Variants in ZNF722 observed in about 807,000 individuals in gnomAD.
ZNF722 encodes the protein zinc finger protein 722.
the ZNF722 span, among the ~76,000 whole-genome samples, chr7:64,014,149 T>C: frequency 6.6e-5 from 10 of 152,196 alleles, no homozygotes; most frequent in South Asian, 2.1e-4. Context: ...AGCTTCTTCA[T>C]TTTTTACATT....
chr7:64,001,397 A>G, the ZNF722 span, among the ~76,000 whole-genome samples: 1 of 152,176 alleles, frequency 6.6e-6, no homozygotes, highest in African/African-American at 2.4e-5. Context: ...CTCCAGCTCC[A>G]TTGACGTTGC....
chr7:64,007,230 G>GTATA, the ZNF722 span, among the ~76,000 whole-genome samples: 1,881 of 138,478 alleles, frequency 0.014, 102 homozygotes, highest in African/African-American at 0.051. Context: ...GTTTGTGTGT[G>GTATA]TATATATATA....
At chr7:64,003,664 G>GA in the ZNF722 span, among the ~76,000 whole-genome samples, 18 of 151,682 alleles carry the variant, frequency 1.2e-4, no homozygotes, top group East Asian at 3.9e-4. Flanking sequence ...AAGGCGTTCT[G>GA]AAAAAAAATA....
At chr7:64,014,276 T>A in the ZNF722 span, among the ~76,000 whole-genome samples, 1 of 152,196 alleles carries the variant, frequency 6.6e-6, no homozygotes, top group East Asian at 1.9e-4. Context: ...TGGTTTTCCA[T>A]TTTTCTCATT....
the ZNF722 span, chr7:64,015,273 T>G: frequency 8.1e-7 from 1 of 1,241,212 alleles, no homozygotes. Flanking sequence ...TGGTAAATTT[T>G]CAAATTGCAA....
At chr7:64,007,236 A>ATATATATATATATATATATG in the ZNF722 span, among the ~76,000 whole-genome samples, 124 of 100,398 alleles carry the variant, frequency 1.2e-3, no homozygotes, top group Middle Eastern at 5.4e-3. Context: ...GTGTGTATAT[A>ATATATATATATATATATATG]TATATATATA....
the ZNF722 span, among the ~76,000 whole-genome samples, chr7:64,008,827 C>T: frequency 6.6e-6 from 1 of 152,118 alleles, no homozygotes; most frequent in Non-Finnish European, 1.5e-5. Flanking sequence ...CTATAAATTA[C>T]CTTGGGCAGT....
the ZNF722 span, among the ~76,000 whole-genome samples, chr7:63,999,225 C>T: frequency 6.6e-6 from 1 of 152,136 alleles, no homozygotes; most frequent in Non-Finnish European, 1.5e-5. Flanking sequence ...GTGGCTTTGC[C>T]CTGGACTGGA....
chr7:64,000,330 T>C, the ZNF722 span, among the ~76,000 whole-genome samples: 3 of 150,086 alleles, frequency 2.0e-5, no homozygotes, highest in African/African-American at 4.9e-5. Flanking sequence ...AGTTTCTCCA[T>C]GTTGGTCAGG....
the ZNF722 span, chr7:64,015,790 C>A: frequency 1.2e-6 from 2 of 1,609,028 alleles, no homozygotes; most frequent in Non-Finnish European, 8.5e-7. Flanking sequence ...ACCCTTAAGA[C>A]ACATAAGAGA....
chr7:64,005,361 T>C, the ZNF722 span, among the ~76,000 whole-genome samples: 1 of 152,174 alleles, frequency 6.6e-6, no homozygotes, highest in Non-Finnish European at 1.5e-5. Context: ...CCCTTAATTT[T>C]ATAATTTATC....
the ZNF722 span, among the ~76,000 whole-genome samples, chr7:63,999,323 T>G: frequency 6.6e-6 from 1 of 152,132 alleles, no homozygotes; most frequent in Non-Finnish European, 1.5e-5. Flanking sequence ...GAATCCAGAC[T>G]CAGGGTGCAG....
chr7:64,016,911 T>C, the ZNF722 span, among the ~76,000 whole-genome samples: 2 of 152,164 alleles, frequency 1.3e-5, no homozygotes, highest in Admixed American at 6.5e-5. Flanking sequence ...GGTAAGATAA[T>C]GTATACTGAA....
the ZNF722 span, among the ~76,000 whole-genome samples, chr7:64,013,378 A>T: frequency 1.3e-5 from 2 of 152,076 alleles, no homozygotes; most frequent in South Asian, 4.1e-4. Context: ...GACTCATTTT[A>T]CCATTATATA....
At chr7:64,005,002 A>T in the ZNF722 span, among the ~76,000 whole-genome samples, 1 of 152,154 alleles carries the variant, frequency 6.6e-6, no homozygotes, top group African/African-American at 2.4e-5. Context: ...AAATAACACA[A>T]CTTATTCTGT....
chr7:64,014,496 C>A, the ZNF722 span, among the ~76,000 whole-genome samples: 2 of 152,218 alleles, frequency 1.3e-5, no homozygotes, highest in South Asian at 4.1e-4. Flanking sequence ...TAGCCTGAAA[C>A]CAATTGTATT....
chr7:63,998,869 C>T, the ZNF722 span: 18 of 1,407,548 alleles, frequency 1.3e-5, no homozygotes, highest in Non-Finnish European at 1.8e-5. Flanking sequence ...TCTCTGCGTC[C>T]CGAGCTCCAG....
chr7:64,008,597 G>A, the ZNF722 span, among the ~76,000 whole-genome samples: 4 of 152,058 alleles, frequency 2.6e-5, no homozygotes, highest in African/African-American at 7.2e-5. Context: ...TGTTCCATTG[G>A]TCTATATCTC....
At chr7:64,004,425 A>AAAAAAAAAAAAATATATATATATAT in the ZNF722 span, among the ~76,000 whole-genome samples, 3 of 61,106 alleles carry the variant, frequency 4.9e-5, no homozygotes, top group African/African-American at 2.4e-4. Context: ...AAAAAAAAAA[A>AAAAAAAAAAAAATATATATATATAT]ATATATATAT....
Sources: allele counts gnomAD v4.1 joint callset (sites outside exome capture counted in the v4.1 genomes callset), GRCh38; gene constraint gnomAD v4.1.1; transcripts MANE v1.5; gene names NCBI Gene and HGNC (gene_info 2026-07-23, HGNC 2026-07-21).